Variants in MYCBP observed in about 807,000 individuals in gnomAD.
The protein encoded by MYCBP is MYC binding protein, also known as C-Myc-binding protein.
A neutral mutation model predicts 16.8 loss-of-function variants in MYCBP; 5 were observed. The observed-to-expected ratio is 0.30, with a 90% CI of 0.16 to 0.63. MYCBP has a LOEUF of 0.63. MYCBP is among the 20% of genes least tolerant of loss of function. The pLI, the probability that MYCBP is intolerant of heterozygous loss-of-function variation, is 0.83. For missense variants in MYCBP, 103 were observed against 121.8 expected (o/e 0.85, Z 0.73); for synonymous variants, 35 against 43.7 (o/e 0.80, Z 0.79).
intron 2 of MYCBP, among the ~76,000 whole-genome samples, chr1:38,868,124 C>T (rs1408692009): frequency 6.6e-6 from 1 of 152,146 alleles, no homozygotes; most frequent in African/African-American, 2.4e-5. Context: ...AAGGGAGTGA[C>T]AGGATCCACT....
intron 2 of MYCBP, among the ~76,000 whole-genome samples, chr1:38,870,412 C>T (rs1353465318): frequency 6.6e-6 from 1 of 151,948 alleles, no homozygotes; most frequent in East Asian, 1.9e-4. Flanking sequence ...AACGTCAACA[C>T]TTGGGGAAGC....
intron 4 of MYCBP, among the ~76,000 whole-genome samples, chr1:38,866,040 AC>A (rs1408820091): frequency 7.2e-5 from 3 of 41,772 alleles, no homozygotes; most frequent in Non-Finnish European, 1.3e-4. Flanking sequence ...GTTCCTAAGA[AC>A]CTCTTTTTTT....
rs752709349 is a variant in MYCBP, at chr1:38,866,865, T to C, written c.267+15A>G. On this transcript the variant is annotated intron_variant, in intron 4 of 4. Transcript: ENST00000397572. ...GGTAAAATTATTTGAATATGAATTC[T>C]TTTTAAAAATTTACCTTTGCTTTCA... The C allele has an allele frequency of 7.4e-6, 11 of 1,483,872 alleles. No individual in the cohort carries two copies. Among genetic ancestry groups the C allele is most frequent in the Non-Finnish European group, 8.2e-6 (9 of 1,098,426 alleles). 91.9% of individuals were successfully genotyped at this position (1,483,872 alleles called of 1,614,324 possible). A position where few individuals can be genotyped will look rare whatever the true frequency, so the allele number is the denominator to read the frequency against.
chr1:38,872,329 C>T (rs564345843), intron 2 of MYCBP, among the ~76,000 whole-genome samples: 1 of 152,340 alleles, frequency 6.6e-6, no homozygotes, highest in African/African-American at 2.4e-5. Context: ...CCTTGAAATC[C>T]TCCTGTTTCC....
At chr1:38,866,482 T>C (rs1642342559) in intron 4 of MYCBP, among the ~76,000 whole-genome samples, 1 of 151,656 alleles carries the variant, frequency 6.6e-6, no homozygotes, top group South Asian at 2.1e-4. Flanking sequence ...AGTGGCACGA[T>C]CTTGGCTCAC....
intron 2 of MYCBP, 116 bp downstream of exon 2, chr1:38,872,902 C>T (rs1208460557): frequency 1.6e-6 from 2 of 1,241,382 alleles, no homozygotes; most frequent in East Asian, 2.6e-5. Flanking sequence ...CTCGCTGGAC[C>T]CCGGACGGGC....
At chr1:38,871,427 C>CTT (rs71573793) in intron 2 of MYCBP, among the ~76,000 whole-genome samples, 27,127 of 110,456 alleles carry the variant, frequency 0.25, 4,456 homozygotes, top group Middle Eastern at 0.32. Context: ...CCACCTGTCA[C>CTT]TTTTTTTTTT....
chr1:38,869,094 GTT>G (rs542711813), intron 2 of MYCBP, among the ~76,000 whole-genome samples: 1 of 126,678 alleles, frequency 7.9e-6, no homozygotes, highest in Non-Finnish European at 1.7e-5. Flanking sequence ...TTTTTTTTTT[GTT>G]TTTTTTTTTG....
intron 4 of MYCBP, among the ~76,000 whole-genome samples, chr1:38,865,462 G>A (rs1207492792): frequency 6.6e-6 from 1 of 152,156 alleles, no homozygotes; most frequent in Non-Finnish European, 1.5e-5. Context: ...AAAGACTTAA[G>A]AGTTGACTAA....
rs60684785 is a variant in MYCBP, at chr1:38,870,799, CAAAAAAAAAAAAAAAAA to C, written c.88+2202_88+2218del. 4.1e-3 allele frequency among the ~76,000 whole-genome samples: 248 copies of C among 60,696 alleles called. 2 individuals carry two copies. The highest frequency in any genetic ancestry group is 0.016 in the African/African-American group (235 of 14,848). The allele number at this position is 60,696 out of a possible 152,430, so 39.8% of individuals were successfully genotyped here. ...TGGGCGACAGAGCGAGACTCCGTCT[CAAAAAAAAAAAAAAAAA>C]AAAAAAAAAAAACAAATAGAATTGT... On this transcript the variant is annotated intron_variant, in intron 2 of 4. Coordinates refer to ENST00000397572, the MANE Select transcript of MYCBP (RefSeq NM_012333.5).
chr1:38,866,828 A>G (rs987102298), intron 4 of MYCBP, 52 bp downstream of exon 4: 35 of 1,356,196 alleles, frequency 2.6e-5, no homozygotes, highest in Non-Finnish European at 3.5e-5. Context: ...TTTTCATCAT[A>G]CAATTATTAC....
intron 2 of MYCBP, among the ~76,000 whole-genome samples, chr1:38,872,195 A>G (rs1259083264): frequency 6.6e-6 from 1 of 152,210 alleles, no homozygotes; most frequent in Non-Finnish European, 1.5e-5. Context: ...CTAGTTTCAT[A>G]TGACCCAAGT....
At chr1:38,867,466 T>C (rs942704893) in intron 3 of MYCBP, 96 bp downstream of exon 3, 10 of 923,946 alleles carry the variant, frequency 1.1e-5, no homozygotes, top group Admixed American at 6.0e-5. Flanking sequence ...AAAAAAAAAG[T>C]AACTTTCTCA....
rs998877400 is a variant in MYCBP, at chr1:38,864,800, CTTAG to C, written c.268-90_268-87del. On this transcript the variant is annotated intron_variant, in intron 4 of 4. Coordinates refer to ENST00000397572, the MANE Select transcript of MYCBP (RefSeq NM_012333.5). ...AAAACAAGGTAACTGTTATATTCAA[CTTAG>C]TTACTGTCAGTAAATTGTATTAATA... 6.6e-6 allele frequency: 8 copies of C among 1,218,174 alleles called. No homozygotes were observed. The Admixed American group carries it at 7.3e-5, about 11-fold the overall frequency. The allele number at this position is 1,218,174 out of a possible 1,614,324, so 75.5% of individuals were successfully genotyped here.
rs1642302768 is a variant in MYCBP, at chr1:38,864,727, GAC to G, written c.268-15_268-14del. The stretch of plus-strand genomic sequence containing the variant: ...CATACTGAGCAAGCTATGGGGCAAA[GAC>G]AGAGGAATTTAGGTGAATTTTATTC... On this transcript the variant is annotated splice_polypyrimidine_tract_variant and intron_variant, in intron 4 of 4. Transcript: ENST00000397572. The G allele has an allele frequency of 6.2e-7, 1 of 1,612,502 alleles. No homozygotes were observed. The highest frequency in any genetic ancestry group is 1.1e-5 in the South Asian group (1 of 90,968).
Position 38,872,874 on chromosome 1 carries a change from C to T in MYCBP, c.88+144G>A, listed in dbSNP as rs146759219. The T allele has an allele frequency of 2.1e-5, 20 of 935,984 alleles. No individual in the cohort carries two copies. In the African/African-American group the frequency reaches 2.8e-4, roughly 13 times the overall value. The allele number at this position is 935,984 out of a possible 1,614,324, so 58.0% of individuals were successfully genotyped here. A position where few individuals can be genotyped will look rare whatever the true frequency, so the allele number is the denominator to read the frequency against. On this transcript the variant is annotated intron_variant, in intron 2 of 4. Coordinates refer to ENST00000397572, the MANE Select transcript of MYCBP (RefSeq NM_012333.5). Reference sequence around the variant, plus strand: ...GCGGCGTCCAGCAGCCAGGTCCCTGCTGAACCCCGAGGCCCACCTCGCTGG... The same window carrying T: ...GCGGCGTCCAGCAGCCAGGTCCCTGTTGAACCCCGAGGCCCACCTCGCTGG...
At chr1:38,870,878 T>C (rs1382015264) in intron 2 of MYCBP, among the ~76,000 whole-genome samples, 3 of 150,912 alleles carry the variant, frequency 2.0e-5, no homozygotes, top group South Asian at 4.2e-4. Context: ...AATCAAATTT[T>C]TAATAAATCA....
Position 38,867,097 on chromosome 1 carries a change from C to T in MYCBP, c.138-88G>A, listed in dbSNP as rs1570883209. The T allele has an allele frequency of 3.4e-5, 43 of 1,254,722 alleles. No individual in the cohort carries two copies. The East Asian group carries it at 9.6e-4, about 28-fold the overall frequency. The allele number at this position is 1,254,722 out of a possible 1,614,324, so 77.7% of individuals were successfully genotyped here. ...TAGTATCAATATCCCTGACCAGAGT[C>T]ACCCACTTTACCACCAATATCTACC... is the stretch of plus-strand genomic sequence containing the variant. On this transcript the variant is annotated intron_variant, in intron 3 of 4. Coordinates refer to ENST00000397572, the MANE Select transcript of MYCBP (RefSeq NM_012333.5).
Position 38,873,311 on chromosome 1 carries a change from C to G in MYCBP, c.-6G>C. On this transcript the variant is annotated 5_prime_UTR_variant, in exon 1 of 5. Coordinates refer to ENST00000397572, the MANE Select transcript of MYCBP (RefSeq NM_012333.5). ...CTCACTTTGTAATGGGCCATAGTGA[C>G]AGCGGCAGCGGCGTAGCTGGCGCCG... The G allele has an allele frequency of 6.2e-7, 1 of 1,601,594 alleles. No homozygotes were observed. The highest frequency in any genetic ancestry group is 1.7e-5 in the Admixed American group (1 of 59,774).
Sources: allele counts gnomAD v4.1 joint callset (sites outside exome capture counted in the v4.1 genomes callset), GRCh38; gene constraint gnomAD v4.1.1; transcripts MANE v1.5; gene names NCBI Gene and HGNC (gene_info 2026-07-23, HGNC 2026-07-21).